The following HSD17B4 variants were observed in gnomAD, a reference collection of about 807,000 sequenced individuals.
HSD17B4 encodes hydroxysteroid 17-beta dehydrogenase 4, also known as peroxisomal multifunctional enzyme type 2.
In HSD17B4, 70 loss-of-function variants were observed where a neutral mutation model predicts 101.0. That is an observed-to-expected ratio of 0.69 (90% CI 0.57 to 0.85). The LOEUF (loss-of-function observed/expected upper bound fraction) is 0.85. HSD17B4 is among the 40% of genes least tolerant of loss of function. The probability of loss-of-function intolerance (pLI) is 0.00; values close to 1 mark genes in which losing one functional copy is unlikely to be tolerated. For missense variants in HSD17B4, 984 were observed against 892.4 expected (o/e 1.10, Z -1.31); for synonymous variants, 347 against 297.1 (o/e 1.17, Z -1.73).
chr5:119,471,017 G>A (rs932144582), intron 2 of HSD17B4, among the ~76,000 whole-genome samples: 1 of 152,086 alleles, frequency 6.6e-6, no homozygotes, highest in Non-Finnish European at 1.5e-5. Context: ...GCCTGGTTGC[G>A]CTTTGTAAAA....
chr5:119,517,133 C>T (rs553543326), intron 17 of HSD17B4, among the ~76,000 whole-genome samples: 19 of 152,194 alleles, frequency 1.2e-4, no homozygotes, highest in East Asian at 5.8e-4. Flanking sequence ...ACCGGGGCTG[C>T]GCGCGGCGCT....
At chr5:119,528,917 C>T (rs1446945939) in intron 20 of HSD17B4, among the ~76,000 whole-genome samples, 2 of 152,040 alleles carry the variant, frequency 1.3e-5, no homozygotes, top group Admixed American at 1.3e-4. Flanking sequence ...TTCTCCCTCC[C>T]TTCCTCCTTT....
At chr5:119,472,883 C>G (rs1211233678) in intron 2 of HSD17B4, among the ~76,000 whole-genome samples, 1 of 152,140 alleles carries the variant, frequency 6.6e-6, no homozygotes, top group African/African-American at 2.4e-5. Flanking sequence ...AGTATTTGTC[C>G]TTTTGTGACT....
Position 119,542,181 on chromosome 5 carries a change from A to T in HSD17B4, c.*187A>T. The T allele has an allele frequency of 1.8e-6, 1 of 567,128 alleles. No individual in the cohort carries two copies. The highest frequency in any genetic ancestry group is 3.2e-6 in the Non-Finnish European group (1 of 313,630). 35.1% of individuals were successfully genotyped at this position (567,128 alleles called of 1,614,324 possible). A position where few individuals can be genotyped will look rare whatever the true frequency, so the allele number is the denominator to read the frequency against. The stretch of plus-strand genomic sequence containing the variant: ...TCATGTATCATTATTTTTACAAGGA[A>T]CTATATATAAGCTAGCACATAATTA... On this transcript the variant is annotated 3_prime_UTR_variant, in exon 24 of 24. Transcript: ENST00000510025.
At chr5:119,503,112 G>A (rs867045717) in intron 14 of HSD17B4, among the ~76,000 whole-genome samples, 4 of 148,518 alleles carry the variant, frequency 2.7e-5, no homozygotes, top group Non-Finnish European at 6.0e-5. Context: ...GTGTGTGTGT[G>A]TGTATGTGTG....
intron 23 of HSD17B4, among the ~76,000 whole-genome samples, chr5:119,536,807 C>T (rs764844000): frequency 1.3e-5 from 2 of 151,882 alleles, no homozygotes; most frequent in East Asian, 3.9e-4. Flanking sequence ...GGTGAAAAAC[C>T]ATATGACATT....
intron 9 of HSD17B4, among the ~76,000 whole-genome samples, chr5:119,490,416 T>A (rs1749995790): frequency 6.6e-6 from 1 of 152,172 alleles, no homozygotes; most frequent in South Asian, 2.1e-4. Context: ...TGAACAAAAA[T>A]AATATGTGCT....
intron 2 of HSD17B4, 92 bp downstream of exon 2, chr5:119,456,460 C>A: frequency 2.2e-6 from 2 of 908,122 alleles, no homozygotes; most frequent in South Asian, 1.4e-5. Flanking sequence ...AATAATTTGT[C>A]AAGGTTGAAT....
chr5:119,462,521 A>G (rs1174718509), intron 2 of HSD17B4, among the ~76,000 whole-genome samples: 1 of 152,044 alleles, frequency 6.6e-6, no homozygotes, highest in Non-Finnish European at 1.5e-5. Flanking sequence ...CAGTGTACAT[A>G]GTAGTTTTAT....
chr5:119,490,254 A>G (rs1172631067), intron 9 of HSD17B4, among the ~76,000 whole-genome samples: 1 of 152,214 alleles, frequency 6.6e-6, no homozygotes, highest in Admixed American at 6.5e-5. Flanking sequence ...TAGTAGAGGT[A>G]GAAAGAACTT....
intron 16 of HSD17B4, among the ~76,000 whole-genome samples, chr5:119,513,405 A>G (rs538932299): frequency 1.5e-4 from 23 of 151,688 alleles, no homozygotes; most frequent in Non-Finnish European, 2.2e-4. Flanking sequence ...TCTTTTTGAG[A>G]TGGAATCTCA....
Position 119,506,258 on chromosome 5 carries a change from C to T in HSD17B4, c.1262-560C>T, listed in dbSNP as rs555240584. 1.5e-4 allele frequency among the ~76,000 whole-genome samples: 23 copies of T among 152,232 alleles called. No homozygotes were observed. In the South Asian group the frequency reaches 2.5e-3, roughly 16 times the overall value. On this transcript the variant is annotated intron_variant, in intron 14 of 23. Coordinates refer to ENST00000510025, the MANE Select transcript of HSD17B4 (RefSeq NM_000414.4). ...TTCAACTCCCACTTATGAGTGAGAA[C>T]GTGCGTTGTTTGATTTTCTGATCTT...
chr5:119,474,368 C>G (rs1211849397), intron 3 of HSD17B4, 33 bp from the exon 4 acceptor site: 1 of 1,486,158 alleles, frequency 6.7e-7, no homozygotes, highest in Non-Finnish European at 9.4e-7. Flanking sequence ...AGGGAGGTTG[C>G]CGAAATTTCA....
At chr5:119,503,823 G>A (rs1022787951) in intron 14 of HSD17B4, among the ~76,000 whole-genome samples, 7 of 151,510 alleles carry the variant, frequency 4.6e-5, no homozygotes, top group Admixed American at 6.6e-5. Flanking sequence ...GGAGGTACCT[G>A]TGCAGATTTA....
rs1554064680 is a variant in HSD17B4 at position 119,494,325 on chromosome 5, T to TTTCTTTTC, written c.868+381_868+382insCTTTTCTT. Among the ~76,000 whole-genome samples the TTTCTTTTC allele has an allele frequency of 6.3e-5, 7 of 111,614 alleles. 1 individual carries two copies. The highest frequency in any genetic ancestry group is 8.8e-3 in the Middle Eastern group (2 of 228). The allele number at this position is 111,614 out of a possible 152,430, so 73.2% of individuals were successfully genotyped here. On this transcript the variant is annotated intron_variant, in intron 11 of 23. Coordinates refer to ENST00000510025, the MANE Select transcript of HSD17B4 (RefSeq NM_000414.4). ...TTCTCTTTCTTCCTTTCTTTCTTTC[T>TTTCTTTTC]TTTCTTTCTTTCTTTCTTTCTTTCT...
chr5:119,471,492 C>G, intron 2 of HSD17B4: 1 of 398,528 alleles, frequency 2.5e-6, no homozygotes, highest in Non-Finnish European at 4.4e-6. Flanking sequence ...ATTCCACTTT[C>G]AACTCTCACC....
At position 119,485,800 on chromosome 5, in the gene HSD17B4, A is replaced by G. The variant is rs181827842; in HGVS notation, c.623-3392A>G. On this transcript the variant is annotated intron_variant, in intron 8 of 23. Coordinates refer to ENST00000510025, the MANE Select transcript of HSD17B4 (RefSeq NM_000414.4). ...AAAACCCTATAATGAGTATCCAGGA[A>G]CTAACTTTCCAAGCTGTATTAGTTA... Among the ~76,000 whole-genome samples the G allele has an allele frequency of 1.8e-3, 278 of 152,310 alleles. 2 individuals carry two copies. The highest frequency in any genetic ancestry group is 6.3e-3 in the African/African-American group (262 of 41,586).
At chr5:119,510,855 T>G (rs575676941) in intron 16 of HSD17B4, among the ~76,000 whole-genome samples, 82 of 152,248 alleles carry the variant, frequency 5.4e-4, no homozygotes, top group African/African-American at 1.9e-3. Flanking sequence ...GACTATTAAC[T>G]TTTCTTATCC....
chr5:119,509,669 T>A lies in HSD17B4; in HGVS notation c.1437+425T>A, dbSNP rs72788192. ...CCAGGAAACTCCAGATTCCATTATG[T>A]CCCCAGGCTTGGTCGACTGCTGCAG... On this transcript the variant is annotated intron_variant, in intron 16 of 23. Coordinates refer to ENST00000510025, the MANE Select transcript of HSD17B4 (RefSeq NM_000414.4). Among the ~76,000 whole-genome samples, 791 of 152,256 alleles carry A rather than the reference T, an allele frequency of 5.2e-3. 8 individuals are homozygous for A. Among genetic ancestry groups the A allele is most frequent in the Non-Finnish European group, 8.7e-3 (592 of 68,008 alleles).
Sources: gnomAD v4.1 joint callset for allele counts (sites outside exome capture counted in the v4.1 genomes callset) on GRCh38, gnomAD v4.1.1 for gene constraint, MANE v1.5 for transcripts, NCBI Gene and HGNC (gene_info 2026-07-23, HGNC 2026-07-21) for gene names.